BEAN1: variants seen among roughly 807,000 people sequenced by gnomAD.
The protein encoded by BEAN1 is brain expressed associated with NEDD4 1.
BEAN1 carries 17 observed loss-of-function variants against 17.7 expected under a neutral mutation model. The observed-to-expected ratio is 0.96, with a 90% confidence interval of 0.66 to 1.44. The LOEUF (loss-of-function observed/expected upper bound fraction) is 1.44, where lower values mean the gene tolerates loss of function less well. Ranked by LOEUF, BEAN1 falls within the 40% of genes most tolerant of loss-of-function variation. The pLI is 0.00. For synonymous variants in BEAN1, 142 were observed against 151.8 expected (o/e 0.94, Z 0.47); for missense variants, 359 against 374.1 (o/e 0.96, Z 0.33).
chr16:66,480,090 G>A (rs1055856534), intron 4 of BEAN1, among the ~76,000 whole-genome samples: 2 of 152,096 alleles, frequency 1.3e-5, no homozygotes, highest in Non-Finnish European at 2.9e-5. Flanking sequence ...CCAGGGGCTC[G>A]AGCAGGGGTG....
At chr16:66,431,454 T>C (rs1430902800) in intron 1 of BEAN1, among the ~76,000 whole-genome samples, 3 of 152,226 alleles carry the variant, frequency 2.0e-5, no homozygotes, top group African/African-American at 7.2e-5. Context: ...AGAAATACAA[T>C]TGTAAAATCA....
At chr16:66,431,720 A>G (rs1483816088) in intron 1 of BEAN1, among the ~76,000 whole-genome samples, 2 of 151,348 alleles carry the variant, frequency 1.3e-5, no homozygotes, top group Non-Finnish European at 2.9e-5. Flanking sequence ...TTAACATTAT[A>G]CTGAAAGTCT....
intron 2 of BEAN1, among the ~76,000 whole-genome samples, chr16:66,468,974 T>C (rs1963361939): frequency 6.6e-6 from 1 of 152,138 alleles, no homozygotes; most frequent in African/African-American, 2.4e-5. Flanking sequence ...CCCTCTACCC[T>C]TCTGTGCCTT....
exon 5 of BEAN1, chr16:66,493,476 G>A: frequency 1.7e-6 from 1 of 602,878 alleles, no homozygotes; most frequent in Non-Finnish European, 3.0e-6. Flanking sequence ...TGCCTGGACA[G>A]TGAGGAGGTC....
intron 4 of BEAN1, among the ~76,000 whole-genome samples, chr16:66,491,533 A>G (rs1220396157): frequency 6.6e-6 from 1 of 152,182 alleles, no homozygotes. Flanking sequence ...CAACTTATCC[A>G]TGGTCAACAG....
At chr16:66,453,483 C>T (rs1268960180) in intron 2 of BEAN1, among the ~76,000 whole-genome samples, 1 of 152,022 alleles carries the variant, frequency 6.6e-6, no homozygotes, top group Non-Finnish European at 1.5e-5. Flanking sequence ...TTCAGCCTCC[C>T]AAGTAGCTGG....
rs1295791013 is a variant in BEAN1, at chr16:66,437,854, C to A, written c.25+153C>A. ...GGCATGCTGGGTGGGGAGAGGGCAA[C>A]ACGGAAGACCCCTGACGTCTGCAAG... On this transcript the variant is annotated intron_variant, in intron 2 of 4. Transcript: ENST00000536005. 5 of 987,604 alleles carry A rather than the reference C, an allele frequency of 5.1e-6. No homozygotes were observed. In the East Asian group the frequency reaches 7.8e-5, roughly 15 times the overall value. 61.2% of individuals were successfully genotyped at this position (987,604 alleles called of 1,614,324 possible).
At chr16:66,479,041 T>A (rs2142464049) in intron 4 of BEAN1, 1 of 152,444 alleles carries the variant, frequency 6.6e-6, no homozygotes, top group South Asian at 2.1e-4. Flanking sequence ...GCCGCCCAGG[T>A]TGATGCTCTC....
intron 1 of BEAN1, among the ~76,000 whole-genome samples, chr16:66,433,735 A>G (rs1431679480): frequency 6.6e-6 from 1 of 152,210 alleles, no homozygotes; most frequent in Admixed American, 6.5e-5. Context: ...GCAGCAACTG[A>G]GCAGAGGCTG....
chr16:66,437,702 G>T lies in BEAN1; in HGVS notation c.25+1G>T. 6.5e-7 allele frequency: 1 copy of T among 1,535,792 alleles called. No individual in the cohort carries two copies. The highest frequency in any genetic ancestry group is 8.7e-7 in the Non-Finnish European group (1 of 1,146,614). On this transcript the variant is annotated splice_donor_variant, in intron 2 of 4. Transcript: ENST00000536005. LOFTEE classifies it high-confidence loss of function. ...ATGTCCTTCAAACGTCCCTGCCCCT[G>T]TAAGTTTCCTCCCCACATCCTTCCA...
intron 2 of BEAN1, among the ~76,000 whole-genome samples, chr16:66,458,685 G>T (rs1200965552): frequency 6.6e-6 from 1 of 152,030 alleles, no homozygotes; most frequent in Non-Finnish European, 1.5e-5. Flanking sequence ...AAAACCAGGT[G>T]GGCAATCTTG....
intron 2 of BEAN1, among the ~76,000 whole-genome samples, chr16:66,451,828 C>T (rs539750489): frequency 6.6e-6 from 1 of 152,288 alleles, no homozygotes; most frequent in South Asian, 2.1e-4. Flanking sequence ...TGTCCTAGTC[C>T]AAGAAGCAGG....
chr16:66,445,294 A>G (rs1162342569), intron 2 of BEAN1, among the ~76,000 whole-genome samples: 1 of 151,424 alleles, frequency 6.6e-6, no homozygotes, highest in African/African-American at 2.4e-5. Context: ...GGCTAACACG[A>G]TGAAACCCTG....
intron 2 of BEAN1, among the ~76,000 whole-genome samples, chr16:66,462,742 G>A (rs143355373): frequency 7.0e-4 from 106 of 152,082 alleles, no homozygotes; most frequent in African/African-American, 2.3e-3. Context: ...CAGATGTTGC[G>A]GTGAGCTGAG....
chr16:66,491,968 G>A (rs1406466327), intron 4 of BEAN1, among the ~76,000 whole-genome samples: 1 of 152,180 alleles, frequency 6.6e-6, no homozygotes, highest in Admixed American at 6.5e-5. Context: ...GATGAACCAA[G>A]GTGCTCATAA....
At chr16:66,494,160 T>C (rs919910689), downstream of BEAN1, among the ~76,000 whole-genome samples, 5 of 152,184 alleles carry the variant, frequency 3.3e-5, no homozygotes, top group African/African-American at 1.2e-4. Flanking sequence ...TAGCTCTCAC[T>C]GTGATGTCCA....
intron 2 of BEAN1, among the ~76,000 whole-genome samples, chr16:66,445,832 T>C (rs1263527876): frequency 6.6e-6 from 1 of 152,062 alleles, no homozygotes; most frequent in Non-Finnish European, 1.5e-5. Flanking sequence ...ATCATCCTGG[T>C]TGTAGTAGAA....
chr16:66,461,261 C>A (rs1963072143), intron 2 of BEAN1, among the ~76,000 whole-genome samples: 1 of 152,050 alleles, frequency 6.6e-6, no homozygotes, highest in Admixed American at 6.6e-5. Flanking sequence ...ATAAAATAGG[C>A]CCTTGTTTTG....
At chr16:66,435,556 C>T (rs1206339028) in intron 1 of BEAN1, among the ~76,000 whole-genome samples, 2 of 152,132 alleles carry the variant, frequency 1.3e-5, no homozygotes, top group African/African-American at 2.4e-5. Flanking sequence ...GGCATGATCT[C>T]GGCTCACTGC....
Sources: gnomAD v4.1 joint callset for allele counts (sites outside exome capture counted in the v4.1 genomes callset) on GRCh38, gnomAD v4.1.1 for gene constraint, MANE v1.5 for transcripts, NCBI Gene and HGNC (gene_info 2026-07-23, HGNC 2026-07-21) for gene names.